The following DNAAF5 variants were observed in gnomAD, a reference collection of about 807,000 sequenced individuals.
DNAAF5 encodes the protein dynein axonemal assembly factor 5.
Under a neutral mutation model 75.8 loss-of-function variants are expected in DNAAF5, and 64 were observed. That is an observed-to-expected ratio of 0.84 (90% confidence interval 0.69 to 1.04). DNAAF5 has a LOEUF of 1.04. DNAAF5 is among the 50% of genes least tolerant of loss of function. The pLI, the probability that DNAAF5 is intolerant of heterozygous loss-of-function variation, is 0.00. For synonymous variants in DNAAF5, 657 were observed against 557.2 expected, an observed-to-expected ratio of 1.18 and a Z score of -2.52; for missense variants, 1,269 against 1,178.5, an observed-to-expected ratio of 1.08 and a Z score of -1.12.
chr7:736,842 C>CTT lies in DNAAF5; in HGVS notation c.781-3972_781-3971dup, dbSNP rs541649491. ...TTTCTCTGGCGGTATGTTTTAATTT[C>CTT]TTTTTTGTGTGTGTGTGTATCTGTT... On this transcript the variant is annotated intron_variant, in intron 2 of 12. Transcript: ENST00000297440. Among the ~76,000 whole-genome samples, 233 of 116,098 alleles carry CTT rather than the reference C, an allele frequency of 2.0e-3. 2 individuals carry two copies. The South Asian group carries it at 0.024, about 12-fold the overall frequency. 76.2% of individuals were successfully genotyped at this position (116,098 alleles called of 152,430 possible). A position where few individuals can be genotyped will look rare whatever the true frequency, so the allele number is the denominator to read the frequency against.
chr7:770,749 T>C, intron 9 of DNAAF5, 131 bp downstream of exon 9: 4 of 827,542 alleles, frequency 4.8e-6, no homozygotes, highest in Non-Finnish European at 7.3e-6. Flanking sequence ...GCGCAAGGGG[T>C]TCCCCATCTC....
In DNAAF5 at chr7:726,895, G is replaced by A. The variant is rs1030876371; in HGVS notation, c.175G>A (p.Glu59Lys). 5.2e-6 allele frequency: 7 copies of A among 1,335,116 alleles called. No individual in the cohort carries two copies. The African/African-American group carries it at 9.3e-5, about 18-fold the overall frequency. 82.7% of individuals were successfully genotyped at this position (1,335,116 alleles called of 1,614,324 possible). Residue 59 changes from glutamate to lysine, a missense_variant, in exon 1 of 13, where the codon GAG becomes AAG. Physicochemically the swap from Glu to Lys is moderately conservative, Grantham distance 56. Coordinates refer to ENST00000297440, the MANE Select transcript of DNAAF5 (RefSeq NM_017802.4). ...ALEALRRALE[E>K]PGPAADPTAF... is the part of the protein sequence containing the mutation. ...GGAGGCCCTGCGGCGCGCGCTGGAG[G>A]AGCCAGGCCCTGCCGCCGACCCCAC...
chr7:761,596 A>G (rs1782646053), intron 6 of DNAAF5, among the ~76,000 whole-genome samples, 157 bp from the exon 7 acceptor site: 1 of 152,242 alleles, frequency 6.6e-6, no homozygotes, highest in Non-Finnish European at 1.5e-5. Context: ...TATCAAGAGA[A>G]CAGCACGGGA....
At chr7:761,710 C>A (rs779735695) in intron 6 of DNAAF5, 43 bp from the exon 7 acceptor site, 4 of 1,558,422 alleles carry the variant, frequency 2.6e-6, no homozygotes, top group South Asian at 1.2e-5. Flanking sequence ...GGGGACACGA[C>A]CAAATTGTAC....
At chr7:767,036 G>A (rs7791619) in intron 8 of DNAAF5, among the ~76,000 whole-genome samples, 90,017 of 151,826 alleles carry the variant, frequency 0.59, 27,692 homozygotes, top group Middle Eastern at 0.72. Context: ...TCAGGAGATC[G>A]AGACCATCCT....
intron 2 of DNAAF5, among the ~76,000 whole-genome samples, chr7:736,715 A>G (rs1267930642): frequency 6.6e-6 from 1 of 152,126 alleles, no homozygotes; most frequent in Non-Finnish European, 1.5e-5. Context: ...GTTGTTATTG[A>G]TAAGTAAGGA....
Position 727,312 on chromosome 7 carries a change from C to A in DNAAF5, c.592C>A (p.Pro198Thr). ...SCAAALAQAT[P>T]DHFHMQSESL... is the part of the protein sequence containing the mutation. ...CGCCGCCGCCCTGGCGCAGGCCACG[C>A]CCGGTGAGCACCCCGGGCCCCGCTC... The change falls in exon 1 of 13, where the codon CCC becomes ACC. Residue 198 changes from proline to threonine, a missense_variant. Coordinates refer to ENST00000297440, the MANE Select transcript of DNAAF5 (RefSeq NM_017802.4). The A allele has an allele frequency of 7.8e-7, 1 of 1,285,816 alleles. No individual in the cohort carries two copies. Among genetic ancestry groups the A allele is most frequent in the South Asian group, 2.3e-5 (1 of 42,848 alleles). The allele number at this position is 1,285,816 out of a possible 1,614,324, so 79.7% of individuals were successfully genotyped here. A position where few individuals can be genotyped will look rare whatever the true frequency, so the allele number is the denominator to read the frequency against.
At chr7:736,121 C>G (rs1039454632) in intron 2 of DNAAF5, among the ~76,000 whole-genome samples, 1 of 152,126 alleles carries the variant, frequency 6.6e-6, no homozygotes, top group African/African-American at 2.4e-5. Context: ...GTTTCGTGGC[C>G]TAACATATGG....
intron 8 of DNAAF5, among the ~76,000 whole-genome samples, chr7:768,232 C>G (rs1224468073): frequency 6.9e-6 from 1 of 145,348 alleles, no homozygotes; most frequent in East Asian, 2.1e-4. Flanking sequence ...GACACGTGAT[C>G]AGGGCGGAAG....
chr7:747,573 G>T (rs1334711001), intron 4 of DNAAF5, among the ~76,000 whole-genome samples: 1 of 151,028 alleles, frequency 6.6e-6, no homozygotes, highest in Non-Finnish European at 1.5e-5. Flanking sequence ...CAGCTGGTGT[G>T]CAGTGTTGTC....
At chr7:745,597 G>A (rs908159770) in intron 4 of DNAAF5, among the ~76,000 whole-genome samples, 10 of 151,712 alleles carry the variant, frequency 6.6e-5, no homozygotes, top group Non-Finnish European at 1.2e-4. Context: ...ATCTGCACAC[G>A]TATACACATA....
intron 9 of DNAAF5, chr7:771,194 C>T (rs1778553486): frequency 1.3e-5 from 2 of 152,294 alleles, no homozygotes; most frequent in African/African-American, 4.8e-5. Flanking sequence ...TTATCTAAGA[C>T]AACTTTTAGG....
At chr7:760,266 GT>G (rs1375661745) in intron 6 of DNAAF5, among the ~76,000 whole-genome samples, 2 of 152,206 alleles carry the variant, frequency 1.3e-5, no homozygotes, top group African/African-American at 4.8e-5. Context: ...GAGGCTTAGA[GT>G]TTTAGAGCTG....
chr7:783,020 C>G (rs991232255), intron 12 of DNAAF5, among the ~76,000 whole-genome samples: 9 of 152,250 alleles, frequency 5.9e-5, no homozygotes, highest in African/African-American at 2.2e-4. Flanking sequence ...TCAGAAGAGT[C>G]CGGCTTGTGG....
rs375071932 is a variant in DNAAF5, at chr7:741,475, C to A, written c.1024+10C>A. On this transcript the variant is annotated intron_variant, in intron 4 of 12. Coordinates refer to ENST00000297440, the MANE Select transcript of DNAAF5 (RefSeq NM_017802.4). ...CATTACCCTCCACATGGTGAGTGAC[C>A]GCGGCAGAGGGGAGCGCCAGGAGGC... 2.1e-5 allele frequency: 32 copies of A among 1,492,826 alleles called. No individual in the cohort carries two copies. The African/African-American group carries it at 3.7e-4, about 17-fold the overall frequency. 92.5% of individuals were successfully genotyped at this position (1,492,826 alleles called of 1,614,324 possible).
rs1782420210 is a variant in DNAAF5, at chr7:754,487, G to C, written c.1025-102G>C. The C allele has an allele frequency of 1.0e-6, 1 of 956,668 alleles. No individual in the cohort carries two copies. Among genetic ancestry groups the C allele is most frequent in the Non-Finnish European group, 1.7e-6 (1 of 603,744 alleles). 59.3% of individuals were successfully genotyped at this position (956,668 alleles called of 1,614,324 possible). ...CCCAAGACTTGTTTTGAAATGGTGAGGTTGAAACTCACAGGTGTCCCTTAA... is the reference window on the plus strand; with the variant it reads ...CCCAAGACTTGTTTTGAAATGGTGACGTTGAAACTCACAGGTGTCCCTTAA... On this transcript the variant is annotated intron_variant, in intron 4 of 12. Transcript: ENST00000297440. The surrounding 1 kb of genome is among the most constrained non-coding windows in gnomAD (Gnocchi z 4.8).
At chr7:781,785 T>C (rs1778954822) in intron 12 of DNAAF5, among the ~76,000 whole-genome samples, 1 of 152,240 alleles carries the variant, frequency 6.6e-6, no homozygotes, top group Non-Finnish European at 1.5e-5. Flanking sequence ...GTCATTTCCA[T>C]GCTGTCTTTT....
Position 785,592 on chromosome 7 carries a change from G to A in DNAAF5, c.2507G>A (p.Arg836His), listed in dbSNP as rs760802184. 38 of 1,613,162 alleles carry A rather than the reference G, an allele frequency of 2.4e-5. No homozygotes were observed. The highest frequency in any genetic ancestry group is 1.8e-4 in the South Asian group (16 of 91,084). Residue 836 changes from arginine to histidine, a missense_variant, in exon 13 of 13, where the codon CGC (arginine) becomes CAC (histidine). Arg to His is a conservative substitution (Grantham distance 29, BLOSUM62 0). Coordinates refer to ENST00000297440, the MANE Select transcript of DNAAF5 (RefSeq NM_017802.4). ...ACGGAGGCCGTCATCCACAAGCACC[G>A]CTCGGCCACCTACTGCGAGCAGCTC... Reference protein sequence around the residue: ...RETEAVIHKHRSATYCEQLLQ... With the variant: ...RETEAVIHKHHSATYCEQLLQ...
intron 2 of DNAAF5, among the ~76,000 whole-genome samples, chr7:740,026 G>A (rs957907835): frequency 1.3e-5 from 2 of 152,006 alleles, no homozygotes; most frequent in African/African-American, 2.4e-5. Flanking sequence ...ATGGCACCAC[G>A]GAGTCGGCCC....
Sources: allele counts gnomAD v4.1 joint callset (sites outside exome capture counted in the v4.1 genomes callset), GRCh38; gene constraint gnomAD v4.1.1; non-coding constraint Gnocchi (gnomAD v3.1); transcripts MANE v1.5; gene names NCBI Gene and HGNC (gene_info 2026-07-23, HGNC 2026-07-21).